The following DMD variants were observed in gnomAD, a reference collection of about 807,000 sequenced individuals.
DMD encodes mutant dystrophin.
In DMD, 63 loss-of-function variants were observed where a neutral mutation model predicts 330.1. The ratio of observed to expected loss-of-function variants is 0.19; its 90% CI spans 0.16 to 0.24. DMD has a LOEUF of 0.24. DMD is among the 10% of genes least tolerant of loss of function. The pLI is 1.00. For missense variants in DMD, 3,344 were observed against 2,684.1 expected, an observed-to-expected ratio of 1.25 and a Z score of -5.43; for synonymous variants, 1,223 against 959.8, an observed-to-expected ratio of 1.27 and a Z score of -5.07.
chrX:33,065,629 CT>C (rs1488621611), intron 1 of DMD, among the ~76,000 whole-genome samples: 1 of 112,429 alleles, frequency 8.9e-6, no homozygotes, highest in Non-Finnish European at 1.9e-5. Context: ...CCATTATATG[CT>C]TGGAATTCCT....
chrX:32,893,775 G>C (rs1401692523), intron 2 of DMD, among the ~76,000 whole-genome samples: 1 of 111,539 alleles, frequency 9.0e-6, no homozygotes, highest in Non-Finnish European at 1.9e-5. Flanking sequence ...ACTGTAGGTT[G>C]ATTTATTGGT....
At chrX:31,861,825 T>C (rs1462697455) in intron 48 of DMD, among the ~76,000 whole-genome samples, 2 of 100,793 alleles carry the variant, frequency 2.0e-5, no homozygotes, top group Non-Finnish European at 4.0e-5. Context: ...CTTTTCCTTC[T>C]GCCCTCGCCA....
chrX:31,665,677 C>T (rs928221197), intron 53 of DMD, among the ~76,000 whole-genome samples: 19 of 111,712 alleles, frequency 1.7e-4, no homozygotes, highest in Non-Finnish European at 3.4e-4. Flanking sequence ...TACATACCAA[C>T]GTCGTTACTT....
intron 44 of DMD, among the ~76,000 whole-genome samples, chrX:32,157,693 T>C (rs2096835410): frequency 8.9e-6 from 1 of 112,128 alleles, no homozygotes; most frequent in East Asian, 2.8e-4. Flanking sequence ...CTTTTATTTA[T>C]AAATAATCGA....
intron 54 of DMD, among the ~76,000 whole-genome samples, chrX:31,628,824 A>G (rs1016785058): frequency 9.2e-6 from 1 of 108,504 alleles, no homozygotes; most frequent in South Asian, 4.0e-4. Flanking sequence ...CCTTCTACCC[A>G]TATCCCATTT....
At chrX:33,261,739 C>G (rs1228774300) in intron 1 of DMD, among the ~76,000 whole-genome samples, 1 of 109,593 alleles carries the variant, frequency 9.1e-6, no homozygotes, top group African/African-American at 3.3e-5. Flanking sequence ...AATTAATTAT[C>G]ACCACAAACA....
At chrX:32,291,412 T>A (rs982798626) in intron 42 of DMD, among the ~76,000 whole-genome samples, 4 of 111,999 alleles carry the variant, frequency 3.6e-5, no homozygotes, top group African/African-American at 1.3e-4. Flanking sequence ...TATTCTCTCA[T>A]GAGAACTTTT....
At chrX:33,211,871 A>T (rs184753324), upstream of DMD, among the ~76,000 whole-genome samples, 1 of 112,685 alleles carries the variant, frequency 8.9e-6, no homozygotes, top group Non-Finnish European at 1.9e-5. Context: ...GAAAATCCGG[A>T]TTCAAAATTG....
intron 11 of DMD, among the ~76,000 whole-genome samples, chrX:32,636,940 G>A (rs1371025983): frequency 9.1e-6 from 1 of 110,158 alleles, no homozygotes; most frequent in Non-Finnish European, 1.9e-5. Flanking sequence ...GGAGCTTGCA[G>A]TGAGCCGAGA....
chrX:31,679,268 T>C (rs2082246843), intron 53 of DMD, 107 bp downstream of exon 53: 1 of 751,175 alleles, frequency 1.3e-6, no homozygotes, highest in East Asian at 3.5e-5. Context: ...TTTAACGTGA[T>C]TTTCTGTTAA....
chrX:31,740,091 A>C (rs2087202165), intron 51 of DMD, among the ~76,000 whole-genome samples: 1 of 111,486 alleles, frequency 9.0e-6, no homozygotes, highest in East Asian at 2.8e-4. Flanking sequence ...CCAGTAAGTA[A>C]ATAATGTGGT....
At chrX:31,179,249 C>A (rs2040898458) in intron 69 of DMD, among the ~76,000 whole-genome samples, 1 of 112,575 alleles carries the variant, frequency 8.9e-6, no homozygotes, top group Non-Finnish European at 1.9e-5. Context: ...TTCTCAATCA[C>A]TGACCATCTC....
chrX:31,266,187 C>CAAAAAAAAAAAAAAAAAAAAAAAAAA (rs2051078969), intron 62 of DMD, among the ~76,000 whole-genome samples: 1 of 71,221 alleles, frequency 1.4e-5, no homozygotes, highest in African/African-American at 8.8e-5. Context: ...AAAAAAAGCC[C>CAAAAAAAAAAAAAAAAAAAAAAAAAA]AAACAAACAA....
intron 43 of DMD, among the ~76,000 whole-genome samples, chrX:32,230,322 A>G (rs997490966): frequency 1.3e-4 from 14 of 111,807 alleles, no homozygotes; most frequent in Non-Finnish European, 5.6e-5. Flanking sequence ...TCGGCTCACT[A>G]CAAGCTCTGC....
chrX:32,380,472 CG>C, intron 34 of DMD, 37 bp downstream of exon 34: 1 of 1,167,286 alleles, frequency 8.6e-7, no homozygotes, highest in Non-Finnish European at 1.2e-6. Context: ...TGTGTTTTCA[CG>C]TATGTTCAAA....
At chrX:31,458,845 G>T (rs998487242) in intron 59 of DMD, among the ~76,000 whole-genome samples, 3 of 110,402 alleles carry the variant, frequency 2.7e-5, no homozygotes, top group Non-Finnish European at 5.7e-5. Context: ...CAGTTTTATA[G>T]GAGAAACGAC....
intron 44 of DMD, among the ~76,000 whole-genome samples, chrX:32,170,695 T>A (rs933504656): frequency 1.8e-5 from 2 of 109,860 alleles, no homozygotes; most frequent in Non-Finnish European, 3.8e-5. Flanking sequence ...AACTGACATT[T>A]TGGACAGAAT....
intron 1 of DMD, among the ~76,000 whole-genome samples, chrX:33,073,085 T>C (rs2094784369): frequency 8.9e-6 from 1 of 111,929 alleles, no homozygotes; most frequent in Non-Finnish European, 1.9e-5. Context: ...TGTCAGAGAT[T>C]TATAACAAAA....
intron 7 of DMD, among the ~76,000 whole-genome samples, chrX:32,785,955 C>T (rs1318516788): frequency 9.0e-6 from 1 of 110,566 alleles, no homozygotes; most frequent in Non-Finnish European, 1.9e-5. Context: ...TTTTTCCCCA[C>T]TTCTGGCTGT....
Sources: allele counts gnomAD v4.1 joint callset (sites outside exome capture counted in the v4.1 genomes callset), GRCh38; gene constraint gnomAD v4.1.1; transcripts MANE v1.5; gene names NCBI Gene and HGNC (gene_info 2026-07-23, HGNC 2026-07-21).